Variants in ADAMTS19 observed in about 807,000 individuals in gnomAD.
ADAMTS19 encodes A disintegrin and metalloproteinase with thrombospondin motifs 19.
A neutral mutation model predicts 153.3 loss-of-function variants in ADAMTS19; 93 were observed. The ratio of observed to expected loss-of-function variants is 0.61; its 90% CI spans 0.51 to 0.72. The LOEUF (loss-of-function observed/expected upper bound fraction) is 0.72, where lower values mean the gene tolerates loss of function less well. Among genes scored for constraint, ADAMTS19 ranks in the 30% least tolerant of loss-of-function variants. The probability of loss-of-function intolerance (pLI) is 0.00; values close to 1 mark genes in which losing one functional copy is unlikely to be tolerated. For synonymous variants in ADAMTS19, 600 were observed against 556.6 expected (o/e 1.08, Z -1.10); for missense variants, 1,482 against 1,552.1 (o/e 0.95, Z 0.76).
chr5:129,630,835 A>G (rs1752253893), intron 10 of ADAMTS19, among the ~76,000 whole-genome samples: 1 of 152,050 alleles, frequency 6.6e-6, no homozygotes, highest in Non-Finnish European at 1.5e-5. Flanking sequence ...GGCATATCTG[A>G]CAAAGGGTTG....
In ADAMTS19 at chr5:129,723,005, C is replaced by T. The variant is rs1377918745; in HGVS notation, c.3313-11927C>T. Among the ~76,000 whole-genome samples the T allele has an allele frequency of 2.6e-5, 4 of 152,130 alleles. No homozygotes were observed. The East Asian group carries it at 7.7e-4, about 29-fold the overall frequency. On this transcript the variant is annotated intron_variant, in intron 21 of 22. Coordinates refer to ENST00000274487, the MANE Select transcript of ADAMTS19 (RefSeq NM_133638.6). ...TATTTCCTACACATTTTCATTTTCT[C>T]TCATTTGTCTGTGTTTAGGCCAATC...
chr5:129,661,117 A>G (rs758273124), intron 15 of ADAMTS19, among the ~76,000 whole-genome samples: 4 of 152,310 alleles, frequency 2.6e-5, no homozygotes, highest in Non-Finnish European at 4.4e-5. Context: ...GATACCTGCT[A>G]TGACTAATGA....
At chr5:129,493,866 ATTCT>A (rs1750846473) in intron 2 of ADAMTS19, among the ~76,000 whole-genome samples, 2 of 152,156 alleles carry the variant, frequency 1.3e-5, no homozygotes, top group African/African-American at 4.8e-5. Flanking sequence ...GGATGAACTC[ATTCT>A]TTATGACAAC....
At chr5:129,462,781 C>T (rs1749727400) in intron 2 of ADAMTS19, among the ~76,000 whole-genome samples, 1 of 152,182 alleles carries the variant, frequency 6.6e-6, no homozygotes, top group Non-Finnish European at 1.5e-5. Flanking sequence ...AGACAAAACT[C>T]ATAAAATATC....
intron 21 of ADAMTS19, among the ~76,000 whole-genome samples, chr5:129,732,758 A>T (rs1581273829): frequency 2.0e-5 from 3 of 152,114 alleles, no homozygotes; most frequent in South Asian, 4.1e-4. Context: ...CTAGAGATTC[A>T]GCACAAATCC....
chr5:129,484,367 A>G (rs1176851614), intron 2 of ADAMTS19, among the ~76,000 whole-genome samples: 5 of 152,164 alleles, frequency 3.3e-5, no homozygotes, highest in African/African-American at 1.2e-4. Flanking sequence ...CCAATTTTTT[A>G]TCTGGGTCCC....
At chr5:129,522,252 CAT>C (rs1751835091) in intron 3 of ADAMTS19, among the ~76,000 whole-genome samples, 2 of 143,592 alleles carry the variant, frequency 1.4e-5, no homozygotes, top group African/African-American at 5.1e-5. Flanking sequence ...TATACACACA[CAT>C]AATATATAAA....
chr5:129,668,812 G>A (rs1215014832), intron 16 of ADAMTS19, among the ~76,000 whole-genome samples: 1 of 152,008 alleles, frequency 6.6e-6, no homozygotes, highest in Admixed American at 6.6e-5. Flanking sequence ...TAAGTGTCAA[G>A]TTCAGTTAAT....
chr5:129,676,006 A>G (rs1037041147), intron 16 of ADAMTS19, among the ~76,000 whole-genome samples: 3 of 152,096 alleles, frequency 2.0e-5, no homozygotes, highest in Non-Finnish European at 4.4e-5. Flanking sequence ...CTGCACTCCA[A>G]TCTGGGTGAC....
At chr5:129,575,311 T>C (rs977806116) in intron 7 of ADAMTS19, among the ~76,000 whole-genome samples, 5 of 151,964 alleles carry the variant, frequency 3.3e-5, no homozygotes, top group South Asian at 2.1e-4. Context: ...TAGCATGATA[T>C]TTAATTTTTT....
At chr5:129,487,752 T>C (rs527420338) in intron 2 of ADAMTS19, among the ~76,000 whole-genome samples, 3 of 152,260 alleles carry the variant, frequency 2.0e-5, no homozygotes, top group African/African-American at 4.8e-5. Flanking sequence ...TGCTTTTTTC[T>C]ATACATAATT....
Position 129,602,884 on chromosome 5 carries a change from T to C in ADAMTS19, c.1478+6220T>C, listed in dbSNP as rs77508414. ...TTTCACTGTTTAACACTTTAAGCCA[T>C]CTAGAATTTACTTTATTATGCATAG... On this transcript the variant is annotated intron_variant, in intron 8 of 22. Transcript: ENST00000274487. Among the ~76,000 whole-genome samples, 809 of 151,644 alleles carry C rather than the reference T, an allele frequency of 5.3e-3. 6 individuals carry two copies. The highest frequency in any genetic ancestry group is 0.018 in the African/African-American group (727 of 41,220).
At position 129,672,243 on chromosome 5, in the gene ADAMTS19, C is replaced by A. The variant is rs1327855680; in HGVS notation, c.2506+6664C>A. Among the ~76,000 whole-genome samples the A allele has an allele frequency of 2.0e-5, 3 of 152,094 alleles. No individual in the cohort carries two copies. In the East Asian group the frequency reaches 5.8e-4, roughly 29 times the overall value. ...CTTCACTCTCATGACCTCATCTAAT[C>A]CTAATTACCTCCCGAAGACTCCACC... On this transcript the variant is annotated intron_variant, in intron 16 of 22. Coordinates refer to ENST00000274487, the MANE Select transcript of ADAMTS19 (RefSeq NM_133638.6).
chr5:129,568,301 T>C (rs976468855), intron 7 of ADAMTS19, among the ~76,000 whole-genome samples: 2 of 152,116 alleles, frequency 1.3e-5, no homozygotes, highest in African/African-American at 2.4e-5. Context: ...AATTGTAACA[T>C]TGTCTGTTGG....
intron 9 of ADAMTS19, 113 bp downstream of exon 9, chr5:129,620,871 G>A: frequency 8.9e-7 from 1 of 1,127,998 alleles, no homozygotes. Context: ...TAAAACTGAA[G>A]GTACTTGGTT....
Position 129,461,322 on chromosome 5 carries a change from AT to A in ADAMTS19, c.313del (p.Ser105GlnfsTer145), listed in dbSNP as rs1484919791. ...VPLEEPVEGR[S>X]ESRLRPPPPS... ...CTTTGGAGGAGCCCGTGGAGGGCCG[AT>A]CAGAGTCCCGGCTCCGGCCCCCGCC... On this transcript the variant is annotated frameshift_variant, in exon 2 of 23. Coordinates refer to ENST00000274487, the MANE Select transcript of ADAMTS19 (RefSeq NM_133638.6). LOFTEE classifies it high-confidence loss of function. This position sits in a 1 kb window ranked among gnomAD's most constrained non-coding sequence, Gnocchi z 4.6. The A allele has an allele frequency of 3.8e-6, 5 of 1,328,652 alleles. No homozygotes were observed. The highest frequency in any genetic ancestry group is 4.8e-6 in the Non-Finnish European group (5 of 1,048,212). The allele number at this position is 1,328,652 out of a possible 1,614,324, so 82.3% of individuals were successfully genotyped here. A position where few individuals can be genotyped will look rare whatever the true frequency, so the allele number is the denominator to read the frequency against.
chr5:129,471,269 G>A (rs1270172867), intron 2 of ADAMTS19, among the ~76,000 whole-genome samples: 2 of 152,252 alleles, frequency 1.3e-5, no homozygotes, highest in Admixed American at 1.3e-4. Flanking sequence ...AGGAGGTTAA[G>A]GTGGGAGGAT....
chr5:129,620,707 G>C lies in ADAMTS19; in HGVS notation c.1568G>C (p.Gly523Ala). The C allele has an allele frequency of 1.2e-6, 2 of 1,613,112 alleles. No individual in the cohort carries two copies. Among genetic ancestry groups the C allele is most frequent in the Non-Finnish European group, 1.7e-6 (2 of 1,179,372 alleles). Reference protein sequence around the residue: ...SGEWIKGQNLGDVSWSRCSKE... With the variant: ...SGEWIKGQNLADVSWSRCSKE... ...GAATGGATTAAAGGACAGAATCTTG[G>C]TGACGTTTCATGGTCTCGATGTAGC... Residue 523 changes from glycine (G) to alanine (A), a missense_variant, in exon 9 of 23, where the codon GGT (glycine) becomes GCT (alanine). By Grantham distance (60) the Gly-to-Ala change is moderately conservative. Coordinates refer to ENST00000274487, the MANE Select transcript of ADAMTS19 (RefSeq NM_133638.6).
chr5:129,476,485 C>G (rs191859454), intron 2 of ADAMTS19, among the ~76,000 whole-genome samples: 65 of 152,132 alleles, frequency 4.3e-4, no homozygotes, highest in African/African-American at 1.5e-3. Flanking sequence ...GACAAATGAA[C>G]AAAACCCAAA....
Sources: gnomAD v4.1 joint callset for allele counts (sites outside exome capture counted in the v4.1 genomes callset) on GRCh38, gnomAD v4.1.1 for gene constraint, Gnocchi (gnomAD v3.1) non-coding constraint, MANE v1.5 for transcripts, NCBI Gene and HGNC (gene_info 2026-07-23, HGNC 2026-07-21) for gene names.